Variants in PSMD14 observed in about 807,000 individuals in gnomAD.
PSMD14 encodes the protein ubiquitin C-terminal hydrolase PSMD14.
In PSMD14, 7 loss-of-function variants were observed where a neutral mutation model predicts 41.2. The observed-to-expected ratio is 0.17, with a 90% CI of 0.10 to 0.32. PSMD14 has a LOEUF of 0.32. Among genes scored for constraint, PSMD14 ranks in the 10% least tolerant of loss-of-function variants. The pLI, the probability that PSMD14 is intolerant of heterozygous loss-of-function variation, is 1.00. For synonymous variants in PSMD14, 114 were observed against 122.3 expected (o/e 0.93, Z 0.45); for missense variants, 139 against 375.6 (o/e 0.37, Z 5.21).
chr2:161,391,348 A>G (rs1683709243), intron 9 of PSMD14, among the ~76,000 whole-genome samples, 170 bp downstream of exon 9: 1 of 152,004 alleles, frequency 6.6e-6, no homozygotes, highest in Non-Finnish European at 1.5e-5. Flanking sequence ...TTATTGGACT[A>G]TTTAAAGACA....
intron 7 of PSMD14, among the ~76,000 whole-genome samples, chr2:161,372,035 A>AG (rs1177754708): frequency 4.0e-5 from 6 of 150,712 alleles, no homozygotes; most frequent in Non-Finnish European, 8.9e-5. Context: ...TCATGACAGC[A>AG]GGGAGCAGCT....
intron 11 of PSMD14, among the ~76,000 whole-genome samples, chr2:161,410,681 A>G (rs1187222554): frequency 2.0e-5 from 3 of 152,086 alleles, no homozygotes; most frequent in Non-Finnish European, 4.4e-5. Context: ...TTTTTTCAAA[A>G]TAGCTACATG....
intron 10 of PSMD14, among the ~76,000 whole-genome samples, chr2:161,403,296 C>T (rs1209421626): frequency 6.6e-6 from 1 of 151,970 alleles, no homozygotes; most frequent in African/African-American, 2.4e-5. Context: ...ATGCAAAAGG[C>T]CACATATTAT....
At chr2:161,376,219 G>A (rs1321935950) in intron 7 of PSMD14, among the ~76,000 whole-genome samples, 1 of 151,242 alleles carries the variant, frequency 6.6e-6, no homozygotes, top group Admixed American at 6.6e-5. Flanking sequence ...CCTCTTTACA[G>A]TGTGACCTTG....
intron 3 of PSMD14, chr2:161,340,798 G>T: frequency 6.2e-7 from 1 of 1,613,536 alleles, no homozygotes; most frequent in African/African-American, 1.3e-5. Flanking sequence ...TTAGGAGGAC[G>T]CTAAGGATAA....
At chr2:161,384,422 T>A (rs573644700) in intron 7 of PSMD14, 1 of 151,884 alleles carries the variant, frequency 6.6e-6, no homozygotes, top group Non-Finnish European at 1.5e-5. Flanking sequence ...TTGGCTTAAC[T>A]ATTTTTAATC....
chr2:161,347,087 C>T (rs186982692), intron 3 of PSMD14, among the ~76,000 whole-genome samples: 4 of 152,260 alleles, frequency 2.6e-5, no homozygotes, highest in South Asian at 2.1e-4. Flanking sequence ...TTCTTCCCCT[C>T]TGCACTGCAG....
intron 7 of PSMD14, among the ~76,000 whole-genome samples, chr2:161,380,544 A>T (rs1358500167): frequency 6.6e-6 from 1 of 151,974 alleles, no homozygotes; most frequent in Admixed American, 6.6e-5. Context: ...AATATACTGA[A>T]GTTGTACTAC....
chr2:161,367,760 G>T (rs749860178), intron 4 of PSMD14, 24 bp from the exon 5 acceptor site: 1 of 1,609,670 alleles, frequency 6.2e-7, no homozygotes, highest in African/African-American at 1.3e-5. Context: ...TTTGCTTTGT[G>T]TCCACATCTC....
In PSMD14 at chr2:161,377,265, A is replaced by G. The variant is rs984449240; in HGVS notation, c.462+5943A>G. 5.3e-5 allele frequency among the ~76,000 whole-genome samples: 8 copies of G among 151,988 alleles called. No homozygotes were observed. The South Asian group carries it at 8.3e-4, about 16-fold the overall frequency. On this transcript the variant is annotated intron_variant, in intron 7 of 11. Transcript: ENST00000409682. ...GTCTAGTTTTCCAGGTGGAAAGAGA[A>G]AAATAGGAAATCGAATACATAAAGA...
At chr2:161,392,508 G>A (rs905090437) in intron 9 of PSMD14, among the ~76,000 whole-genome samples, 2 of 152,016 alleles carry the variant, frequency 1.3e-5, no homozygotes, top group Non-Finnish European at 1.5e-5. Context: ...CTATATGCTG[G>A]GGGGGAGGAT....
chr2:161,384,475 C>G (rs1683608656), intron 7 of PSMD14: 3 of 151,650 alleles, frequency 2.0e-5, no homozygotes, highest in Admixed American at 6.6e-5. Flanking sequence ...AAGAACAAAT[C>G]TAGTTGACAC....
At chr2:161,336,643 T>C (rs1682875209) in intron 3 of PSMD14, among the ~76,000 whole-genome samples, 1 of 152,240 alleles carries the variant, frequency 6.6e-6, no homozygotes. Flanking sequence ...TGGCGTGATC[T>C]TGGCTCACTG....
intron 3 of PSMD14, among the ~76,000 whole-genome samples, chr2:161,320,228 T>G (rs1457965889): frequency 6.6e-6 from 1 of 152,244 alleles, no homozygotes; most frequent in Non-Finnish European, 1.5e-5. Flanking sequence ...TTAGAATTCT[T>G]AAGGAAAGTT....
chr2:161,317,488 G>A (rs1277323940), intron 2 of PSMD14, among the ~76,000 whole-genome samples: 2 of 152,122 alleles, frequency 1.3e-5, no homozygotes, highest in African/African-American at 4.8e-5. Context: ...GCGGGGCTTG[G>A]GTGGCGTTTC....
chr2:161,337,589 A>C (rs1273193938), intron 3 of PSMD14, among the ~76,000 whole-genome samples: 1 of 152,208 alleles, frequency 6.6e-6, no homozygotes, highest in African/African-American at 2.4e-5. Context: ...CAGATTGTTA[A>C]TAGGCATTGC....
At chr2:161,349,290 G>A (rs908284280) in intron 3 of PSMD14, among the ~76,000 whole-genome samples, 5 of 152,146 alleles carry the variant, frequency 3.3e-5, no homozygotes, top group Non-Finnish European at 7.4e-5. Context: ...CCTAGAGAAA[G>A]GATCTAAATT....
intron 6 of PSMD14, among the ~76,000 whole-genome samples, chr2:161,370,869 T>C (rs1295080368): frequency 6.6e-6 from 1 of 152,166 alleles, no homozygotes; most frequent in Non-Finnish European, 1.5e-5. Context: ...AGATATTTAC[T>C]TGAATGCTGA....
In PSMD14 at chr2:161,411,466, A is replaced by G. The variant is rs923431236; in HGVS notation, c.*66A>G. 1.7e-6 allele frequency: 2 copies of G among 1,180,916 alleles called. No individual in the cohort carries two copies. The highest frequency in any genetic ancestry group is 1.6e-5 in the African/African-American group (1 of 63,976). The allele number at this position is 1,180,916 out of a possible 1,614,324, so 73.2% of individuals were successfully genotyped here. On this transcript the variant is annotated 3_prime_UTR_variant, in exon 12 of 12. Coordinates refer to ENST00000409682, the MANE Select transcript of PSMD14 (RefSeq NM_005805.6). ...TCCTCTGTTGTTCCTAATGCTCAAA[A>G]TCAAGGGACCTCTGAAGGTGTACTT...
Sources: gnomAD v4.1 joint callset for allele counts (sites outside exome capture counted in the v4.1 genomes callset) on GRCh38, gnomAD v4.1.1 for gene constraint, MANE v1.5 for transcripts, NCBI Gene and HGNC (gene_info 2026-07-23, HGNC 2026-07-21) for gene names.